The following GNG2 variants were observed in gnomAD, a reference collection of about 807,000 sequenced individuals.
GNG2 encodes the protein guanine nucleotide-binding protein G(I)/G(S)/G(O) subunit gamma-2.
Under a neutral mutation model 5.5 loss-of-function variants are expected in GNG2, and 5 were observed. The ratio of observed to expected loss-of-function variants is 0.91; its 90% confidence interval spans 0.48 to 1.92. GNG2 has a LOEUF of 1.92. Ranked by LOEUF, GNG2 falls within the 30% of genes most tolerant of loss-of-function variation. The pLI is 0.01. For missense variants in GNG2, 55 were observed against 88.4 expected, an observed-to-expected ratio of 0.62 and a Z score of 1.52; for synonymous variants, 28 against 32.0, an observed-to-expected ratio of 0.88 and a Z score of 0.42.
intron 2 of GNG2, among the ~76,000 whole-genome samples, chr14:51,904,137 T>C (rs1885749600): frequency 1.3e-5 from 2 of 152,152 alleles, no homozygotes; most frequent in African/African-American, 4.8e-5. Context: ...CTCTATTGGA[T>C]GCAAACACCA....
intron 2 of GNG2, among the ~76,000 whole-genome samples, chr14:51,928,150 C>T (rs929527458): frequency 1.3e-5 from 2 of 151,454 alleles, no homozygotes; most frequent in South Asian, 2.1e-4. Context: ...CCTGCCTCAG[C>T]CTCTCAATAG....
chr14:51,849,699 G>T (rs1881817382), intron 2 of GNG2, among the ~76,000 whole-genome samples: 1 of 151,922 alleles, frequency 6.6e-6, no homozygotes, highest in African/African-American at 2.4e-5. Context: ...AAATCCATGC[G>T]ATCAGAAACA....
chr14:51,862,883 C>T (rs554412570), intron 1 of GNG2, among the ~76,000 whole-genome samples: 1 of 152,242 alleles, frequency 6.6e-6, no homozygotes, highest in Non-Finnish European at 1.5e-5. Context: ...GAAACTATTT[C>T]CACTTATTCT....
chr14:51,968,851 GCAT>G lies in GNG2; in HGVS notation c.*2165_*2167del, dbSNP rs1890069590. On this transcript the variant is annotated 3_prime_UTR_variant, in exon 4 of 4. Coordinates refer to ENST00000556766, the MANE Select transcript of GNG2 (RefSeq NM_053064.5). ...GCCCAGACGATTTCCACTATTCACA[GCAT>G]TTCCTTTTCTCAGAAGGACTCTTTA... 1 of 152,146 alleles carries G rather than the reference GCAT, an allele frequency of 6.6e-6. No homozygotes were observed. Among genetic ancestry groups the G allele is most frequent in the South Asian group, 2.1e-4 (1 of 4,818 alleles). The allele number at this position is 152,146 out of a possible 1,614,324, so 9.4% of individuals were successfully genotyped here.
At chr14:51,841,410 C>A in intron 2 of GNG2, 1 of 561,870 alleles carries the variant, frequency 1.8e-6, no homozygotes, top group Non-Finnish European at 3.2e-6. Flanking sequence ...AACAAACAAA[C>A]AAACAAAAAG....
chr14:51,893,386 C>T lies in GNG2; in HGVS notation c.-30+15729C>T, dbSNP rs542918807. Among the ~76,000 whole-genome samples, 16 of 152,152 alleles carry T rather than the reference C, an allele frequency of 1.1e-4. No individual in the cohort carries two copies. In the East Asian group the frequency reaches 2.9e-3, roughly 28 times the overall value. On this transcript the variant is annotated intron_variant, in intron 2 of 3. Coordinates refer to ENST00000556766, the MANE Select transcript of GNG2 (RefSeq NM_053064.5). ...TGTTTTCATTGATCTTTTGCATTTT[C>T]TCTTCTGTGAATGTCGTTTTGAATC...
upstream of GNG2, among the ~76,000 whole-genome samples, chr14:51,856,496 A>C (rs1329499656): frequency 6.6e-6 from 1 of 151,994 alleles, no homozygotes; most frequent in African/African-American, 2.4e-5. Context: ...GCAATGGCAA[A>C]ATCTTGGCTC....
intron 2 of GNG2, among the ~76,000 whole-genome samples, chr14:51,903,312 A>G (rs368424703): frequency 1.3e-5 from 2 of 152,268 alleles, no homozygotes; most frequent in Non-Finnish European, 2.9e-5. Flanking sequence ...AAACAAGGTT[A>G]TATGTTGATT....
At chr14:51,867,219 C>T (rs964855708) in intron 1 of GNG2, among the ~76,000 whole-genome samples, 1 of 152,162 alleles carries the variant, frequency 6.6e-6, no homozygotes, top group African/African-American at 2.4e-5. Context: ...TCTCCCTAAT[C>T]AAATTCTGTC....
At chr14:51,959,319 C>T (rs1023774057) in intron 3 of GNG2, among the ~76,000 whole-genome samples, 9 of 152,170 alleles carry the variant, frequency 5.9e-5, no homozygotes, top group African/African-American at 2.2e-4. Flanking sequence ...CTGTCTAAAA[C>T]TGCATTCTTG....
At chr14:51,873,688 G>C (rs1382764436) in intron 1 of GNG2, among the ~76,000 whole-genome samples, 1 of 152,220 alleles carries the variant, frequency 6.6e-6, no homozygotes, top group African/African-American at 2.4e-5. Flanking sequence ...ACCTTGTGGA[G>C]TGTCTTGTGT....
chr14:51,843,865 CAGAATA>C (rs1881552396), intron 2 of GNG2, among the ~76,000 whole-genome samples: 1 of 152,214 alleles, frequency 6.6e-6, no homozygotes, highest in Admixed American at 6.5e-5. Flanking sequence ...TCATGGCTCA[CAGAATA>C]AGCCATGCTC....
intron 2 of GNG2, among the ~76,000 whole-genome samples, chr14:51,882,871 A>G (rs1410928593): frequency 1.3e-5 from 2 of 151,948 alleles, no homozygotes; most frequent in African/African-American, 4.8e-5. Context: ...TTAGCTGGAC[A>G]TGGTGGCACA....
intron 2 of GNG2, among the ~76,000 whole-genome samples, chr14:51,933,630 C>T (rs569030010): frequency 6.6e-6 from 1 of 152,156 alleles, no homozygotes; most frequent in Non-Finnish European, 1.5e-5. Context: ...AGAATCGAGT[C>T]CTTTGGTGAG....
intron 2 of GNG2, among the ~76,000 whole-genome samples, chr14:51,843,927 G>C (rs943123912): frequency 6.6e-6 from 1 of 152,154 alleles, no homozygotes; most frequent in Non-Finnish European, 1.5e-5. Flanking sequence ...CAGCCTGCAA[G>C]GCCCCCTTTC....
At chr14:51,924,575 C>T (rs1887201043) in intron 2 of GNG2, among the ~76,000 whole-genome samples, 1 of 152,174 alleles carries the variant, frequency 6.6e-6, no homozygotes, top group Admixed American at 6.5e-5. Context: ...AACTTCTGCT[C>T]TGAGATTCAG....
At chr14:51,907,805 A>C (rs1028748238) in intron 2 of GNG2, among the ~76,000 whole-genome samples, 1 of 152,180 alleles carries the variant, frequency 6.6e-6, no homozygotes, top group Admixed American at 6.5e-5. Flanking sequence ...CCTCCTGAGG[A>C]GAGAACAGAA....
chr14:51,964,255 A>T (rs1326639590), intron 3 of GNG2, among the ~76,000 whole-genome samples: 3 of 152,160 alleles, frequency 2.0e-5, no homozygotes, highest in East Asian at 3.8e-4. Context: ...TCTCGCTCAG[A>T]CCCTCCAGAA....
At chr14:51,909,553 A>G (rs1886165112) in intron 2 of GNG2, among the ~76,000 whole-genome samples, 1 of 152,180 alleles carries the variant, frequency 6.6e-6, no homozygotes, top group African/African-American at 2.4e-5. Context: ...AAGACCAAAA[A>G]GGAAAATAAA....
Sources: allele counts gnomAD v4.1 joint callset (sites outside exome capture counted in the v4.1 genomes callset), GRCh38; gene constraint gnomAD v4.1.1; transcripts MANE v1.5; gene names NCBI Gene and HGNC (gene_info 2026-07-23, HGNC 2026-07-21).